The following MTX2 variants were observed in gnomAD, a reference collection of about 807,000 sequenced individuals.
The protein encoded by MTX2 is metaxin 2, also known as metaxin-2.
In MTX2, 35 loss-of-function variants were observed where a neutral mutation model predicts 42.3. The ratio of observed to expected loss-of-function variants is 0.83; its 90% CI spans 0.63 to 1.10. The LOEUF (loss-of-function observed/expected upper bound fraction) is 1.10. Ranked by LOEUF, MTX2 falls within the 50% of genes least tolerant of loss-of-function variation. The pLI is 0.00. For missense variants in MTX2, 307 were observed against 304.1 expected, an observed-to-expected ratio of 1.01 and a Z score of -0.07; for synonymous variants, 119 against 100.9, an observed-to-expected ratio of 1.18 and a Z score of -1.08.
At chr2:176,320,374 C>G (rs1419984955) in intron 3 of MTX2, among the ~76,000 whole-genome samples, 1 of 152,100 alleles carries the variant, frequency 6.6e-6, no homozygotes, top group Non-Finnish European at 1.5e-5. Context: ...GCAAAATATA[C>G]TATATTTACT....
At chr2:176,336,355 G>A (rs1386253505) in intron 9 of MTX2, among the ~76,000 whole-genome samples, 2 of 151,978 alleles carry the variant, frequency 1.3e-5, no homozygotes, top group African/African-American at 4.8e-5. Flanking sequence ...TTATGATTTT[G>A]TCTCCTTCAG....
rs190999759 is a variant in MTX2, at chr2:176,334,167, G to A, written c.621-3326G>A. On this transcript the variant is annotated intron_variant, in intron 9 of 9. Coordinates refer to ENST00000249442, the MANE Select transcript of MTX2 (RefSeq NM_006554.5). The stretch of plus-strand genomic sequence containing the variant: ...ATATTTGCAACAAACCACTTCAGGG[G>A]TACTTCTGGAGCACTCTCATTTGAG... 1.9e-3 allele frequency among the ~76,000 whole-genome samples: 295 copies of A among 151,812 alleles called. 4 individuals carry two copies. Among genetic ancestry groups the A allele is most frequent in the African/African-American group, 6.9e-3 (287 of 41,498 alleles).
chr2:176,276,576 A>G (rs527992139), intron 1 of MTX2, among the ~76,000 whole-genome samples: 33 of 152,004 alleles, frequency 2.2e-4, no homozygotes, highest in Non-Finnish European at 1.5e-4. Context: ...GTAAAAGGGG[A>G]TAATATATTT....
Position 176,269,539 on chromosome 2 carries a change from C to A in MTX2, c.-91C>A. On this transcript the variant is annotated 5_prime_UTR_variant, in exon 1 of 10. Transcript: ENST00000249442. ...GAGTCTGAACGTTGGCGGGGCTAGG[C>A]TCGTTAACTGCCGAGAGCCTCCGGG... 1.4e-6 allele frequency: 2 copies of A among 1,410,544 alleles called. No individual in the cohort carries two copies. The highest frequency in any genetic ancestry group is 1.9e-6 in the Non-Finnish European group (2 of 1,052,780). The allele number at this position is 1,410,544 out of a possible 1,614,324, so 87.4% of individuals were successfully genotyped here.
At chr2:176,279,643 T>A (rs1354441271) in intron 1 of MTX2, among the ~76,000 whole-genome samples, 1 of 152,142 alleles carries the variant, frequency 6.6e-6, no homozygotes, top group East Asian at 1.9e-4. Context: ...GTTCATCGAT[T>A]TAAGATTCTA....
At chr2:176,326,404 A>C (rs1290504493) in intron 4 of MTX2, among the ~76,000 whole-genome samples, 1 of 151,732 alleles carries the variant, frequency 6.6e-6, no homozygotes, top group East Asian at 1.9e-4. Flanking sequence ...TTTTAAATGT[A>C]GTTTACAATA....
At position 176,337,545 on chromosome 2, in the gene MTX2, A is replaced by C; in HGVS notation, c.673A>C (p.Thr225Pro). 1 of 1,613,240 alleles carries C rather than the reference A, an allele frequency of 6.2e-7. No individual in the cohort carries two copies. Among genetic ancestry groups the C allele is most frequent in the Non-Finnish European group, 8.5e-7 (1 of 1,179,440 alleles). ...TGGCCATCTATACACCATTCTTACC[A>C]CACAATTGACAAATGATGAACTTTC... ...VFGHLYTILT[T>P]QLTNDELSEK... Residue 225 changes from threonine (T) to proline (P), a missense_variant, in exon 10 of 10, where the codon ACA becomes CCA. Physicochemically the swap from Thr to Pro is conservative, Grantham distance 38. Coordinates refer to ENST00000249442, the MANE Select transcript of MTX2 (RefSeq NM_006554.5).
intron 3 of MTX2, among the ~76,000 whole-genome samples, chr2:176,319,694 C>T (rs1298222728): frequency 6.6e-6 from 1 of 151,728 alleles, no homozygotes; most frequent in East Asian, 1.9e-4. Flanking sequence ...TCCTGCCTCA[C>T]CCTTCTGAGT....
chr2:176,293,614 G>T (rs758491309), intron 1 of MTX2, among the ~76,000 whole-genome samples: 3 of 152,066 alleles, frequency 2.0e-5, no homozygotes, highest in Admixed American at 1.3e-4. Context: ...CTCTTGCTGT[G>T]TGTGACACCT....
intron 1 of MTX2, among the ~76,000 whole-genome samples, chr2:176,274,158 A>G (rs1051237577): frequency 6.6e-6 from 1 of 152,146 alleles, no homozygotes; most frequent in African/African-American, 2.4e-5. Flanking sequence ...TGATAATGAT[A>G]ATGATATGTT....
At chr2:176,314,126 C>T (rs945294286) in intron 3 of MTX2, among the ~76,000 whole-genome samples, 3 of 152,058 alleles carry the variant, frequency 2.0e-5, no homozygotes, top group African/African-American at 2.4e-5. Context: ...TTCCCTTACT[C>T]GTGTCAGAAA....
intron 3 of MTX2, among the ~76,000 whole-genome samples, chr2:176,313,409 T>TTTGG (rs35711633): frequency 6.8e-6 from 1 of 146,222 alleles, no homozygotes; most frequent in Non-Finnish European, 1.5e-5. Context: ...TTTTTTTTTT[T>TTTGG]GGAGATAGGG....
intron 1 of MTX2, among the ~76,000 whole-genome samples, chr2:176,285,259 A>C (rs1693168474): frequency 6.6e-6 from 1 of 152,090 alleles, no homozygotes; most frequent in Non-Finnish European, 1.5e-5. Context: ...AAGTTGTGGG[A>C]TGTTTAATAT....
intron 3 of MTX2, among the ~76,000 whole-genome samples, chr2:176,310,496 TC>T (rs935577016): frequency 6.6e-6 from 1 of 152,208 alleles, no homozygotes; most frequent in African/African-American, 2.4e-5. Flanking sequence ...AAGAGTGTTT[TC>T]CAGGTTGGTT....
At chr2:176,279,000 A>G (rs1437696798) in intron 1 of MTX2, among the ~76,000 whole-genome samples, 13 of 152,156 alleles carry the variant, frequency 8.5e-5, no homozygotes, top group Non-Finnish European at 2.9e-5. Flanking sequence ...TTGGTAATAA[A>G]GAAGGTTCTT....
At chr2:176,321,812 C>CCACTG (rs1250329269) in intron 3 of MTX2, among the ~76,000 whole-genome samples, 1 of 152,088 alleles carries the variant, frequency 6.6e-6, no homozygotes, top group Non-Finnish European at 1.5e-5. Context: ...ATAGTTTCTA[C>CCACTG]CACTGTAGGG....
intron 3 of MTX2, among the ~76,000 whole-genome samples, chr2:176,318,738 C>T (rs1684504906): frequency 6.6e-6 from 1 of 152,176 alleles, no homozygotes; most frequent in African/African-American, 2.4e-5. Flanking sequence ...TGATGTCAGC[C>T]TCTCTTGCTA....
intron 1 of MTX2, among the ~76,000 whole-genome samples, chr2:176,290,360 T>G (rs1434246487): frequency 6.6e-6 from 1 of 152,112 alleles, no homozygotes; most frequent in East Asian, 1.9e-4. Flanking sequence ...AAAAGGATGA[T>G]TTTATCAGAA....
At chr2:176,322,910 A>G (rs1237460612) in intron 3 of MTX2, among the ~76,000 whole-genome samples, 2 of 151,904 alleles carry the variant, frequency 1.3e-5, no homozygotes, top group Non-Finnish European at 2.9e-5. Context: ...CAGAAACTAC[A>G]TGTTGGAATA....
Sources: gnomAD v4.1 joint callset for allele counts (sites outside exome capture counted in the v4.1 genomes callset) on GRCh38, gnomAD v4.1.1 for gene constraint, MANE v1.5 for transcripts, NCBI Gene and HGNC (gene_info 2026-07-23, HGNC 2026-07-21) for gene names.